CDH18: variants seen among roughly 807,000 people sequenced by gnomAD.
CDH18 encodes the protein cadherin-18.
CDH18 carries 31 observed loss-of-function variants against 67.9 expected under a neutral mutation model. The observed-to-expected ratio is 0.46, with a 90% confidence interval of 0.34 to 0.62. The LOEUF (loss-of-function observed/expected upper bound fraction) is 0.62. CDH18 is among the 20% of genes least tolerant of loss of function. CDH18 has a pLI of 0.01. For synonymous variants in CDH18, 362 were observed against 347.2 expected, an observed-to-expected ratio of 1.04 and a Z score of -0.48; for missense variants, 890 against 975.5, an observed-to-expected ratio of 0.91 and a Z score of 1.17.
chr5:19,781,889 A>AT (rs1775157474), intron 3 of CDH18, among the ~76,000 whole-genome samples: 1 of 152,174 alleles, frequency 6.6e-6, no homozygotes, highest in Non-Finnish European at 1.5e-5. Context: ...GGCATCCTTA[A>AT]TTAACATATA....
At chr5:19,888,166 C>G (rs1788425181) in intron 2 of CDH18, among the ~76,000 whole-genome samples, 1 of 152,076 alleles carries the variant, frequency 6.6e-6, no homozygotes, top group Non-Finnish European at 1.5e-5. Flanking sequence ...TTTTCTTCTT[C>G]AAGATTATTT....
intron 2 of CDH18, among the ~76,000 whole-genome samples, chr5:20,129,512 T>C (rs977717200): frequency 6.6e-6 from 1 of 152,110 alleles, no homozygotes; most frequent in Admixed American, 6.6e-5. Context: ...AGATTTATAA[T>C]GATTTGGTCC....
chr5:20,128,595 A>G (rs6451677), intron 2 of CDH18, among the ~76,000 whole-genome samples: 129,212 of 151,942 alleles, frequency 0.85, 56,402 homozygotes, highest in Non-Finnish European at 0.94. Flanking sequence ...ACATTTCTCT[A>G]TCTCTGACAC....
intron 1 of CDH18, among the ~76,000 whole-genome samples, chr5:20,379,835 T>A (rs1029169739): frequency 1.3e-5 from 2 of 151,100 alleles, no homozygotes; most frequent in South Asian, 2.1e-4. Flanking sequence ...GAAGAATCAG[T>A]ATGAGAAAAG....
rs1416754195 is a variant in CDH18 at position 20,427,053 on chromosome 5, T to C, written c.-580+148409A>G. Among the ~76,000 whole-genome samples, 3 of 151,224 alleles carry C rather than the reference T, an allele frequency of 2.0e-5. No homozygotes were observed. In the East Asian group the frequency reaches 5.8e-4, roughly 29 times the overall value. ...ATATAATTACTCATTAAGTGGCAGA[T>C]TAAAGTATAGCAATCACAAAATTAC... On this transcript the variant is annotated intron_variant, in intron 1 of 14. Coordinates refer to the CDH18 transcript ENST00000507958.
At chr5:20,386,536 T>A (rs559436144) in intron 1 of CDH18, among the ~76,000 whole-genome samples, 1 of 152,198 alleles carries the variant, frequency 6.6e-6, no homozygotes, top group South Asian at 2.1e-4. Flanking sequence ...TACTAATATA[T>A]CCACATACGC....
intron 3 of CDH18, among the ~76,000 whole-genome samples, chr5:19,819,966 C>A (rs1411795557): frequency 6.6e-6 from 1 of 152,154 alleles, no homozygotes; most frequent in Non-Finnish European, 1.5e-5. Context: ...GGCCTGAGAG[C>A]AGTTTGCCCC....
chr5:19,709,004 T>TATCAAAAAA (rs70950088), intron 5 of CDH18, among the ~76,000 whole-genome samples: 27,983 of 148,980 alleles, frequency 0.19, 3,295 homozygotes, highest in East Asian at 0.41. Flanking sequence ...CTAGACTCTG[T>TATCAAAAAA]TAAATAAATA....
chr5:19,634,706 G>T (rs1010134394), intron 5 of CDH18, among the ~76,000 whole-genome samples: 2 of 151,992 alleles, frequency 1.3e-5, no homozygotes, highest in African/African-American at 2.4e-5. Flanking sequence ...GGAGCCTGAG[G>T]GTGGGTGGAT....
chr5:20,296,640 A>C (rs1747560593), intron 1 of CDH18, among the ~76,000 whole-genome samples: 1 of 152,114 alleles, frequency 6.6e-6, no homozygotes. Context: ...ATGTACAGTT[A>C]TAATCTAGTA....
At chr5:20,431,943 G>A (rs960804005) in intron 1 of CDH18, among the ~76,000 whole-genome samples, 4 of 152,040 alleles carry the variant, frequency 2.6e-5, no homozygotes, top group Non-Finnish European at 4.4e-5. Flanking sequence ...GACTTTTTCC[G>A]TCTAACCCTA....
At chr5:19,701,650 C>T (rs1763261328) in intron 5 of CDH18, among the ~76,000 whole-genome samples, 2 of 152,002 alleles carry the variant, frequency 1.3e-5, no homozygotes, top group African/African-American at 4.8e-5. Context: ...TATTGTCCAG[C>T]AAGAATAAAG....
intron 2 of CDH18, among the ~76,000 whole-genome samples, chr5:20,065,676 TTATAATAAAGTGATG>T (rs1742918707): frequency 6.6e-6 from 1 of 152,000 alleles, no homozygotes; most frequent in African/African-American, 2.4e-5. Context: ...AAAGCCTATT[TTATAATAAAGTGATG>T]ACTATTTCAT....
intron 5 of CDH18, among the ~76,000 whole-genome samples, chr5:19,644,515 T>C (rs1304676504): frequency 1.3e-5 from 2 of 152,196 alleles, no homozygotes; most frequent in African/African-American, 2.4e-5. Flanking sequence ...GAATGGAATG[T>C]AGATAATTCT....
chr5:19,727,620 A>G (rs1267703985), intron 4 of CDH18, among the ~76,000 whole-genome samples: 1 of 152,194 alleles, frequency 6.6e-6, no homozygotes, highest in Non-Finnish European at 1.5e-5. Flanking sequence ...AACTCTAGCA[A>G]ATGAATATGG....
At chr5:19,545,023 C>T (rs1256053323) in intron 8 of CDH18, among the ~76,000 whole-genome samples, 1 of 151,990 alleles carries the variant, frequency 6.6e-6, no homozygotes, top group Non-Finnish European at 1.5e-5. Context: ...TATTTAGCAA[C>T]AGCTGATTAA....
At chr5:19,746,299 G>A (rs1581167781) in intron 4 of CDH18, among the ~76,000 whole-genome samples, 1 of 152,114 alleles carries the variant, frequency 6.6e-6, no homozygotes, top group Non-Finnish European at 1.5e-5. Context: ...AGCTAAACCT[G>A]GAAAAATGCC....
rs1264126300 is a variant in CDH18 at position 19,748,128 on chromosome 5, AAAAAAG to A, written c.229-898_229-893del. Among the ~76,000 whole-genome samples, 26 of 144,814 alleles carry A rather than the reference AAAAAAG, an allele frequency of 1.8e-4. 6 individuals carry two copies. The highest frequency in any genetic ancestry group is 4.5e-4 in the South Asian group (2 of 4,470). ...ACTCCATCTCAAAAAAAAAAAAAAA[AAAAAAG>A]AGTACTTTTTTAGGGATAGAGTATT... On this transcript the variant is annotated intron_variant, in intron 3 of 12. Coordinates refer to ENST00000382275, the MANE Select transcript of CDH18 (RefSeq NM_004934.5).
At chr5:20,051,901 A>G (rs567237399) in intron 2 of CDH18, among the ~76,000 whole-genome samples, 1 of 152,156 alleles carries the variant, frequency 6.6e-6, no homozygotes, top group South Asian at 2.1e-4. Flanking sequence ...AAGGGAAAGC[A>G]CAAGTACATG....
Sources: allele counts gnomAD v4.1 joint callset (sites outside exome capture counted in the v4.1 genomes callset), GRCh38; gene constraint gnomAD v4.1.1; transcripts MANE v1.5; gene names NCBI Gene and HGNC (gene_info 2026-07-23, HGNC 2026-07-21).